The following CDH11 variants were observed in gnomAD, a reference collection of about 807,000 sequenced individuals.
CDH11 encodes the protein cadherin-11.
In CDH11, 11 loss-of-function variants were observed where a neutral mutation model predicts 67.8. That is an observed-to-expected ratio of 0.16 (90% CI 0.10 to 0.27). CDH11 has a LOEUF of 0.27. Ranked by LOEUF, CDH11 falls within the 10% of genes least tolerant of loss-of-function variation. The pLI, the probability that CDH11 is intolerant of heterozygous loss-of-function variation, is 1.00. For synonymous variants in CDH11, 419 were observed against 400.0 expected (o/e 1.05, Z -0.57); for missense variants, 847 against 1,031.2 (o/e 0.82, Z 2.45).
At chr16:65,031,519 T>C (rs1485512068) in intron 2 of CDH11, among the ~76,000 whole-genome samples, 1 of 152,158 alleles carries the variant, frequency 6.6e-6, no homozygotes, top group Non-Finnish European at 1.5e-5. Context: ...TTGTAGTATA[T>C]ACATAAGTCA....
intron 11 of CDH11, among the ~76,000 whole-genome samples, chr16:64,969,066 T>C (rs1210087889): frequency 6.6e-6 from 1 of 152,170 alleles, no homozygotes; most frequent in African/African-American, 2.4e-5. Flanking sequence ...GTGGTATTAG[T>C]CTCTTATAGG....
rs779610133 is a variant in CDH11, at chr16:64,947,725, A to G, written c.2269T>C (p.Ser757Pro). Residue 757 changes from serine to proline, a missense_variant, in exon 13 of 13, where the codon TCC becomes CCC. Around this residue, in one of 2 missense-constraint regions of CDH11, gnomAD observed 612 missense variants for 678.7 expected, o/e 0.90. Transcript: ENST00000268603. ...GRGSVAGSLSSLESATTDSDL... is the reference protein window; with the variant it reads ...GRGSVAGSLSPLESATTDSDL... ...GAATCTGTGGTGGCCGACTCTAGGG[A>G]GCTCAGGGACCCGGCCACTGAGCCC... The G allele has an allele frequency of 8.7e-6, 14 of 1,613,974 alleles. No homozygotes were observed. Among genetic ancestry groups the G allele is most frequent in the Non-Finnish European group, 1.0e-5 (12 of 1,179,898 alleles).
chr16:65,074,380 C>T (rs184716828), intron 1 of CDH11, among the ~76,000 whole-genome samples: 32 of 152,252 alleles, frequency 2.1e-4, no homozygotes, highest in Non-Finnish European at 4.3e-4. Context: ...GGGTTCACAC[C>T]CAGCCTCCAT....
At chr16:64,964,216 G>A (rs2071749609) in intron 11 of CDH11, among the ~76,000 whole-genome samples, 1 of 152,134 alleles carries the variant, frequency 6.6e-6, no homozygotes, top group African/African-American at 2.4e-5. Context: ...ATTTCCTCCT[G>A]TAAACGTAGT....
chr16:65,100,185 A>G (rs1044371071), intron 1 of CDH11, among the ~76,000 whole-genome samples: 11 of 152,114 alleles, frequency 7.2e-5, no homozygotes, highest in African/African-American at 2.7e-4. Context: ...ACATCACAGA[A>G]ATATAGAATA....
chr16:64,968,439 TG>T (rs1193878145), intron 11 of CDH11: 8 of 984,914 alleles, frequency 8.1e-6, no homozygotes, highest in Non-Finnish European at 9.6e-6. Context: ...TCTCAAAACC[TG>T]GGCAGACATG....
chr16:65,067,175 T>A (rs1304232225), intron 1 of CDH11, among the ~76,000 whole-genome samples: 1 of 148,702 alleles, frequency 6.7e-6, no homozygotes, highest in Non-Finnish European at 1.5e-5. Flanking sequence ...AAAACCTGCA[T>A]GAAATACAAA....
rs763850377 is a variant in CDH11, at chr16:64,950,922, G to T, written c.1739C>A (p.Pro580Gln). Residue 580 changes from proline to glutamine, a missense_variant, in exon 12 of 13, where the codon CCG becomes CAG. By Grantham distance (76) the Pro-to-Gln change is moderately conservative. This residue lies in a region of CDH11 where 612 missense variants were observed against 678.7 expected (regional missense o/e 0.90). Coordinates refer to ENST00000268603, the MANE Select transcript of CDH11 (RefSeq NM_001797.4). ...GAGGGTGTTGGTGCTACTCATGGGC[G>T]GGATGCCGCCATCGCTGATCACTAT... ...LPIVISDGGI[P>Q]PMSSTNTLTI... is the part of the protein sequence containing the mutation. 36 of 1,614,104 alleles carry T rather than the reference G, an allele frequency of 2.2e-5. No homozygotes were observed. The highest frequency in any genetic ancestry group is 2.8e-5 in the Non-Finnish European group (33 of 1,180,054).
At chr16:65,106,624 C>T (rs931240657) in intron 1 of CDH11, among the ~76,000 whole-genome samples, 6 of 152,122 alleles carry the variant, frequency 3.9e-5, no homozygotes, top group Non-Finnish European at 7.3e-5. Context: ...ATGGATAGTA[C>T]CTATTGATGG....
At chr16:64,994,366 T>A (rs1429664819) in intron 4 of CDH11, among the ~76,000 whole-genome samples, 3 of 152,230 alleles carry the variant, frequency 2.0e-5, no homozygotes, top group African/African-American at 7.2e-5. Flanking sequence ...TGGTTTTGTA[T>A]TTCACATCTA....
At chr16:65,087,734 C>T (rs1172922295) in intron 1 of CDH11, among the ~76,000 whole-genome samples, 1 of 152,006 alleles carries the variant, frequency 6.6e-6, no homozygotes, top group Non-Finnish European at 1.5e-5. Context: ...TCCTCTTGAC[C>T]AGGTAAGGGC....
intron 4 of CDH11, among the ~76,000 whole-genome samples, chr16:64,995,587 T>C (rs1442858413): frequency 6.6e-6 from 1 of 152,058 alleles, no homozygotes; most frequent in Non-Finnish European, 1.5e-5. Context: ...TATACAAAAA[T>C]TAACTCAGGA....
At chr16:65,085,511 T>C (rs906817445) in intron 1 of CDH11, among the ~76,000 whole-genome samples, 5 of 152,202 alleles carry the variant, frequency 3.3e-5, no homozygotes, top group African/African-American at 1.2e-4. Flanking sequence ...ATTGATTAAT[T>C]ATTCACACAT....
rs1202750943 is a variant in CDH11, at chr16:64,945,031, GAATT to G, written c.*2568_*2571del. 4.8e-6 allele frequency: 1 copy of G among 207,644 alleles called. No homozygotes were observed. The highest frequency in any genetic ancestry group is 2.3e-5 in the African/African-American group (1 of 44,090). 12.9% of individuals were successfully genotyped at this position (207,644 alleles called of 1,614,324 possible). On this transcript the variant is annotated 3_prime_UTR_variant, in exon 13 of 13. Transcript: ENST00000268603. ...AGGGTTTATAAAATAAGATTTTGAT[GAATT>G]AATGAATGAATCAATGAATGAATGA...
chr16:65,049,713 A>G (rs1185721296), intron 2 of CDH11, among the ~76,000 whole-genome samples: 3 of 152,182 alleles, frequency 2.0e-5, no homozygotes, highest in Non-Finnish European at 4.4e-5. Flanking sequence ...TGTAATCATT[A>G]GTTGATTGTG....
chr16:65,033,679 G>A (rs1297271607), intron 2 of CDH11, among the ~76,000 whole-genome samples: 2 of 151,936 alleles, frequency 1.3e-5, no homozygotes, highest in Admixed American at 6.6e-5. Context: ...GGAGGTTGCA[G>A]TGAGCCCAGA....
chr16:65,038,456 T>A (rs2073797417), intron 2 of CDH11, among the ~76,000 whole-genome samples: 1 of 152,082 alleles, frequency 6.6e-6, no homozygotes, highest in Non-Finnish European at 1.5e-5. Flanking sequence ...TCTCTCATTA[T>A]CTCCGCAGGG....
At chr16:65,036,594 T>C (rs1197433449) in intron 2 of CDH11, among the ~76,000 whole-genome samples, 1 of 152,140 alleles carries the variant, frequency 6.6e-6, no homozygotes, top group East Asian at 1.9e-4. Context: ...ACAACCCATG[T>C]AAAGGGGCCT....
chr16:65,054,765 C>T (rs1251794533), intron 1 of CDH11, among the ~76,000 whole-genome samples: 1 of 152,192 alleles, frequency 6.6e-6, no homozygotes, highest in African/African-American at 2.4e-5. Flanking sequence ...TCTTGAATGT[C>T]CTTCATCTCT....
Sources: allele counts gnomAD v4.1 joint callset (sites outside exome capture counted in the v4.1 genomes callset), GRCh38; gene constraint gnomAD v4.1.1; regional missense constraint gnomAD v4.1.1; transcripts MANE v1.5; gene names NCBI Gene and HGNC (gene_info 2026-07-23, HGNC 2026-07-21).